The following FAM217A variants were observed in gnomAD, a reference collection of about 807,000 sequenced individuals.
The protein encoded by FAM217A is protein FAM217A.
In FAM217A, 13 loss-of-function variants were observed where a neutral mutation model predicts 18.5. The observed-to-expected ratio is 0.70, with a 90% CI of 0.46 to 1.12. FAM217A has a LOEUF of 1.12. FAM217A is among the 50% of genes most tolerant of loss of function. FAM217A has a pLI of 0.00. For synonymous variants in FAM217A, 161 were observed against 202.8 expected, an observed-to-expected ratio of 0.79 and a Z score of 1.75; for missense variants, 560 against 575.4, an observed-to-expected ratio of 0.97 and a Z score of 0.27.
Position 4,069,459 on chromosome 6 carries a change from G to A in FAM217A, c.764C>T (p.Pro255Leu). ...VFPYPDFLPP[P>L]FSALDLHNLA... ...ATTGTGCAAGTCTAGAGCACTGAAAGGAGGAGGGAGAAAATCAGGATATGG... is the reference window on the plus strand; with the variant it reads ...ATTGTGCAAGTCTAGAGCACTGAAAAGAGGAGGGAGAAAATCAGGATATGG... The change falls in exon 7 of 7, where the codon CCT becomes CTT. Residue 255 changes from proline (P) to leucine (L), a missense_variant. By Grantham distance (98) the Pro-to-Leu change is moderately conservative. Transcript: ENST00000274673. 1 of 1,614,176 alleles carries A rather than the reference G, an allele frequency of 6.2e-7. No homozygotes were observed. Among genetic ancestry groups the A allele is most frequent in the East Asian group, 2.2e-5 (1 of 44,876 alleles).
rs751836065 is a variant in FAM217A at position 4,073,538 on chromosome 6, A to G, written c.160-31T>C. 12 of 1,540,846 alleles carry G rather than the reference A, an allele frequency of 7.8e-6. No homozygotes were observed. In the East Asian group the frequency reaches 2.3e-4, roughly 29 times the overall value. ...AGGCAGCAGAAGACTTTTAAACATA[A>G]TATATCTCTGTTCCCTATTCTTGTT... On this transcript the variant is annotated intron_variant, in intron 4 of 6. Transcript: ENST00000274673.
Position 4,069,154 on chromosome 6 carries a change from A to T in FAM217A, c.1069T>A (p.Ser357Thr), listed in dbSNP as rs150020195. The T allele has an allele frequency of 6.1e-5, 98 of 1,613,912 alleles. No homozygotes were observed. The highest frequency in any genetic ancestry group is 8.1e-5 in the Non-Finnish European group (96 of 1,180,006). ...TTTTGTTCAAGCTTACAAGAACCAG[A>T]GTTGTTTTTACTTTTTTCTTGACTT... Reference protein sequence around the residue: ...DKSQEKSKNNSGSCKLEQNAL... With the variant: ...DKSQEKSKNNTGSCKLEQNAL... Residue 357 changes from serine to threonine, a missense_variant, in exon 7 of 7, where the codon TCT (serine) becomes ACT (threonine). Transcript: ENST00000274673.
rs771094326 is a variant in FAM217A, at chr6:4,084,726, C to G, written c.103G>C (p.Val35Leu). 2.7e-5 allele frequency: 19 copies of G among 703,016 alleles called. No homozygotes were observed. In the South Asian group the frequency reaches 2.8e-4, roughly 10 times the overall value. 43.5% of individuals were successfully genotyped at this position (703,016 alleles called of 1,614,324 possible). A position where few individuals can be genotyped will look rare whatever the true frequency, so the allele number is the denominator to read the frequency against. The stretch of plus-strand genomic sequence containing the variant: ...TTCTCTCTGTGAACATTACTGAACA[C>G]CTTGCCTTCTGGAAGCCAGCTGATC... Residue 35 changes from valine to leucine, a missense_variant, in exon 2 of 9, where the codon GTG (valine) becomes CTG (leucine). Coordinates refer to the FAM217A transcript ENST00000639338.
chr6:4,073,561 G>T, intron 4 of FAM217A, 54 bp from the exon 5 acceptor site: 1 of 1,402,186 alleles, frequency 7.1e-7, no homozygotes, highest in Non-Finnish European at 1.0e-6. Context: ...CCCTATTCTT[G>T]TTCTAACAAT....
chr6:4,086,936 G>A, intron 1 of FAM217A: 1 of 398,988 alleles, frequency 2.5e-6, no homozygotes, highest in East Asian at 3.6e-5. Context: ...GGCTCCGGTT[G>A]AGCATTTGTT....
chr6:4,086,549 A>G (rs921646917), intron 1 of FAM217A, among the ~76,000 whole-genome samples: 1 of 152,216 alleles, frequency 6.6e-6, no homozygotes, highest in Non-Finnish European at 1.5e-5. Flanking sequence ...CATATGGTAT[A>G]ATCATGATGC....
In FAM217A at chr6:4,073,737, A is replaced by G. The variant is rs571425154; in HGVS notation, c.160-230T>C. Reference sequence around the variant, plus strand: ...CTAATAAGACTTGAATATCATTAAGATTGTCTTTATTTTGCAGTGAAATGT... The same window carrying G: ...CTAATAAGACTTGAATATCATTAAGGTTGTCTTTATTTTGCAGTGAAATGT... On this transcript the variant is annotated intron_variant, in intron 4 of 6. Coordinates refer to ENST00000274673, the MANE Select transcript of FAM217A (RefSeq NM_173563.3). 2.0e-5 allele frequency among the ~76,000 whole-genome samples: 3 copies of G among 152,332 alleles called. No individual in the cohort carries two copies. The South Asian group carries it at 6.2e-4, about 32-fold the overall frequency.
chr6:4,074,873 A>C (rs567171355), intron 2 of FAM217A, among the ~76,000 whole-genome samples: 19 of 152,240 alleles, frequency 1.2e-4, no homozygotes, highest in African/African-American at 4.3e-4. Flanking sequence ...TTGTTGAGGA[A>C]TCAGGCTTTT....
rs1399546621 is a variant in FAM217A at position 4,078,942 on chromosome 6, G to C, written c.-125C>G. ...CTCCGCGTGCGTGGCTGACGGCTTGGAGGGCGCCCCCTCTGCCGCGGCCTT... is the reference window on the plus strand; with the variant it reads ...CTCCGCGTGCGTGGCTGACGGCTTGCAGGGCGCCCCCTCTGCCGCGGCCTT... On this transcript the variant is annotated 5_prime_UTR_variant, in exon 1 of 7. Coordinates refer to ENST00000274673, the MANE Select transcript of FAM217A (RefSeq NM_173563.3). 3 of 566,264 alleles carry C rather than the reference G, an allele frequency of 5.3e-6. No individual in the cohort carries two copies. The highest frequency in any genetic ancestry group is 2.1e-5 in the South Asian group (1 of 48,758). 35.1% of individuals were successfully genotyped at this position (566,264 alleles called of 1,614,324 possible).
At chr6:4,087,074 A>T (rs1195383833), upstream of FAM217A, 2 of 399,328 alleles carry the variant, frequency 5.0e-6, no homozygotes, top group East Asian at 7.1e-5. Flanking sequence ...TCTGCTGAGG[A>T]CTGCACTGAT....
In FAM217A at chr6:4,073,438, T is replaced by C; in HGVS notation, c.229A>G (p.Thr77Ala). 1 of 1,612,730 alleles carries C rather than the reference T, an allele frequency of 6.2e-7. No individual in the cohort carries two copies. The highest frequency in any genetic ancestry group is 8.5e-7 in the Non-Finnish European group (1 of 1,179,350). ...TATGAAGAATAAAATCCCACCTGTG[T>C]ACTTTTTTGACTATGCACCGACAAA... ...PNLSVHSQKS[T>A]QNSKQGIFQL... Residue 77 changes from threonine to alanine, a missense_variant, in exon 5 of 7, where the codon ACA becomes GCA. Physicochemically the swap from Thr to Ala is moderately conservative, Grantham distance 58. Transcript: ENST00000274673.
Position 4,077,399 on chromosome 6 carries a change from C to T in FAM217A, c.16G>A (p.Glu6Lys). Reference protein sequence around the residue: MGRRNENCANSLRVSN... With the variant: MGRRNKNCANSLRVSN... The stretch of plus-strand genomic sequence containing the variant: ...ACACGTAGGCTGTTAGCACAGTTCT[C>T]ATTTCTTCTCCCCATTTTGTTGTAG... The change falls in exon 2 of 7, where the codon GAG becomes AAG. Residue 6 changes from glutamate (E) to lysine (K), a missense_variant. By Grantham distance (56) the Glu-to-Lys change is moderately conservative. Transcript: ENST00000274673. 1 of 1,614,210 alleles carries T rather than the reference C, an allele frequency of 6.2e-7. No individual in the cohort carries two copies. The highest frequency in any genetic ancestry group is 8.5e-7 in the Non-Finnish European group (1 of 1,180,040).
At position 4,069,481 on chromosome 6, in the gene FAM217A, A is replaced by G; in HGVS notation, c.742T>C (p.Tyr248His). 1 of 1,614,194 alleles carries G rather than the reference A, an allele frequency of 6.2e-7. No homozygotes were observed. Among genetic ancestry groups the G allele is most frequent in the Non-Finnish European group, 8.5e-7 (1 of 1,180,030 alleles). Residue 248 changes from tyrosine (Y) to histidine (H), a missense_variant, in exon 7 of 7, where the codon TAT becomes CAT. Physicochemically the swap from Tyr to His is moderately conservative, Grantham distance 83. Coordinates refer to ENST00000274673, the MANE Select transcript of FAM217A (RefSeq NM_173563.3). ...FTEEPNEVFP[Y>H]PDFLPPPFSA... ...AAAGGAGGAGGGAGAAAATCAGGAT[A>G]TGGAAATACTTCATTTGGCTCCTCG...
chr6:4,075,328 T>C (rs530813405), intron 2 of FAM217A, among the ~76,000 whole-genome samples: 1 of 152,240 alleles, frequency 6.6e-6, no homozygotes, highest in Non-Finnish European at 1.5e-5. Flanking sequence ...AGTGAGACTC[T>C]GTCTCAAAAT....
chr6:4,082,015 G>A (rs921196092), upstream of FAM217A, among the ~76,000 whole-genome samples: 6 of 151,820 alleles, frequency 4.0e-5, no homozygotes, highest in Admixed American at 2.6e-4. Flanking sequence ...TCTTAAAAAT[G>A]TTCCTTTCAT....
rs11307567 is a variant in FAM217A at position 4,072,762 on chromosome 6, C to CA, written c.302+512dup. On this transcript the variant is annotated intron_variant, in intron 6 of 6. Coordinates refer to ENST00000274673, the MANE Select transcript of FAM217A (RefSeq NM_173563.3). ...GGGCAACAAGAGCAAAACTCCGTCT[C>CA]AAAAAAAAAAAAACCTCAGGTAAGG... Among the ~76,000 whole-genome samples the CA allele has an allele frequency of 1.6e-3, 228 of 145,440 alleles. 1 individual carries two copies. Among genetic ancestry groups the CA allele is most frequent in the African/African-American group, 5.5e-3 (217 of 39,646 alleles).
At position 4,073,461 on chromosome 6, in the gene FAM217A, A is replaced by G. The variant is rs577038522; in HGVS notation, c.206T>C (p.Leu69Ser). The G allele has an allele frequency of 7.0e-4, 1,129 of 1,613,598 alleles. 23 individuals are homozygous for G. The South Asian group carries it at 0.012, about 17-fold the overall frequency. Residue 69 changes from leucine to serine, a missense_variant, in exon 5 of 7, where the codon TTG (leucine) becomes TCG (serine). Leu to Ser is a moderately radical substitution (Grantham distance 145). Coordinates refer to ENST00000274673, the MANE Select transcript of FAM217A (RefSeq NM_173563.3). ...TGTACTTTTTTGACTATGCACCGACAAATTAGGTTCTAGCATCAGTTGCTC... is the reference window on the plus strand; with the variant it reads ...TGTACTTTTTTGACTATGCACCGACGAATTAGGTTCTAGCATCAGTTGCTC... The part of the protein sequence containing the change: ...PVEQLMLEPN[L>S]SVHSQKSTQN...
chr6:4,075,326 T>C (rs965398107), intron 2 of FAM217A, among the ~76,000 whole-genome samples: 2 of 152,134 alleles, frequency 1.3e-5, no homozygotes, highest in Non-Finnish European at 2.9e-5. Flanking sequence ...AGAGTGAGAC[T>C]CTGTCTCAAA....
chr6:4,078,988 A>AGGGCGGC lies in FAM217A; in HGVS notation c.-178_-172dup, dbSNP rs1468833227. 1.4e-5 allele frequency: 7 copies of AGGGCGGC among 489,616 alleles called. No homozygotes were observed. Among genetic ancestry groups the AGGGCGGC allele is most frequent in the Admixed American group, 4.3e-5 (1 of 23,454 alleles). The allele number at this position is 489,616 out of a possible 1,614,324, so 30.3% of individuals were successfully genotyped here. On this transcript the variant is annotated 5_prime_UTR_variant, in exon 1 of 7. Coordinates refer to ENST00000274673, the MANE Select transcript of FAM217A (RefSeq NM_173563.3). ...GCCTTCCTGCAGCGGGGGGACAAAG[A>AGGGCGGC]GGGCGGCGGGCGGCTGGCGGCCTTG...
Sources: allele counts gnomAD v4.1 joint callset (sites outside exome capture counted in the v4.1 genomes callset), GRCh38; gene constraint gnomAD v4.1.1; transcripts MANE v1.5; gene names NCBI Gene and HGNC (gene_info 2026-07-23, HGNC 2026-07-21).